RAD51B: variants seen among roughly 807,000 people sequenced by gnomAD.
RAD51B encodes DNA repair protein RAD51 homolog 2.
A neutral mutation model predicts 42.2 loss-of-function variants in RAD51B; 38 were observed. That is an observed-to-expected ratio of 0.90 (90% CI 0.70 to 1.18). RAD51B has a LOEUF of 1.18. Among genes scored for constraint, RAD51B ranks in the 50% most tolerant of loss-of-function variants. The pLI is 0.00. For synonymous variants in RAD51B, 154 were observed against 145.2 expected (o/e 1.06, Z -0.43); for missense variants, 373 against 400.7 (o/e 0.93, Z 0.59).
downstream of RAD51B, among the ~76,000 whole-genome samples, chr14:68,615,499 C>A (rs1005759874): frequency 1.3e-5 from 2 of 152,272 alleles, no homozygotes; most frequent in African/African-American, 4.8e-5. Context: ...GCGTCCACCA[C>A]AACGCCCAGC....
chr14:68,064,948 C>CT (rs1157237893), intron 7 of RAD51B, among the ~76,000 whole-genome samples: 3 of 151,842 alleles, frequency 2.0e-5, no homozygotes, highest in Admixed American at 6.6e-5. Flanking sequence ...CTTTGATTTC[C>CT]TTTTTTGGCA....
chr14:68,661,249 C>T (rs1036741472), intron 11 of RAD51B, among the ~76,000 whole-genome samples: 3 of 152,230 alleles, frequency 2.0e-5, no homozygotes, highest in Non-Finnish European at 4.4e-5. Flanking sequence ...GAGATTCCCA[C>T]ATATTCCACA....
At chr14:68,182,996 A>G (rs546829804) in intron 7 of RAD51B, among the ~76,000 whole-genome samples, 1 of 152,112 alleles carries the variant, frequency 6.6e-6, no homozygotes, top group South Asian at 2.1e-4. Flanking sequence ...TATGATTTTG[A>G]TTTTAGTTTG....
At chr14:68,152,172 A>T (rs531062485) in intron 7 of RAD51B, among the ~76,000 whole-genome samples, 2 of 152,252 alleles carry the variant, frequency 1.3e-5, no homozygotes, top group African/African-American at 4.8e-5. Flanking sequence ...TTCTCGTGTT[A>T]TGTAGCTTTG....
intron 7 of RAD51B, among the ~76,000 whole-genome samples, chr14:68,098,565 A>G (rs2077234752): frequency 6.6e-6 from 1 of 152,172 alleles, no homozygotes; most frequent in African/African-American, 2.4e-5. Context: ...AAGAGGAAAA[A>G]CGAGGATGAT....
chr14:68,436,987 T>C (rs2085162567), intron 9 of RAD51B, among the ~76,000 whole-genome samples: 1 of 152,206 alleles, frequency 6.6e-6, no homozygotes, highest in Non-Finnish European at 1.5e-5. Flanking sequence ...CTTATTGTTT[T>C]CTTACTTGGA....
chr14:68,171,554 G>A (rs1197020850), intron 7 of RAD51B, among the ~76,000 whole-genome samples: 3 of 152,012 alleles, frequency 2.0e-5, no homozygotes, highest in Non-Finnish European at 4.4e-5. Context: ...ACCCACCTCG[G>A]CCTCCCAAAG....
chr14:68,083,450 G>A (rs186521927), intron 7 of RAD51B, among the ~76,000 whole-genome samples: 2 of 152,298 alleles, frequency 1.3e-5, no homozygotes, highest in Non-Finnish European at 1.5e-5. Context: ...GTCACAGCAA[G>A]CAATGGAGGT....
At chr14:68,626,344 C>G (rs1892080339) in intron 10 of RAD51B, among the ~76,000 whole-genome samples, 2 of 152,180 alleles carry the variant, frequency 1.3e-5, no homozygotes, top group African/African-American at 4.8e-5. Context: ...TCTTCCATAC[C>G]CCATCTAGCA....
intron 7 of RAD51B, among the ~76,000 whole-genome samples, chr14:67,902,876 G>A (rs1431942778): frequency 1.3e-5 from 2 of 151,942 alleles, no homozygotes; most frequent in East Asian, 1.9e-4. Flanking sequence ...TGAAGATGGA[G>A]TCTTGCTCTG....
At chr14:68,247,269 T>C (rs576939191) in intron 7 of RAD51B, among the ~76,000 whole-genome samples, 1 of 151,792 alleles carries the variant, frequency 6.6e-6, no homozygotes, top group Admixed American at 6.6e-5. Flanking sequence ...AAAAAAAAAA[T>C]GTATGTAACT....
At chr14:68,566,846 T>G (rs1165250832) in intron 10 of RAD51B, among the ~76,000 whole-genome samples, 1 of 152,170 alleles carries the variant, frequency 6.6e-6, no homozygotes. Flanking sequence ...CCAACTTGCC[T>G]ATCAAACCTT....
At chr14:67,930,093 A>G (rs1370437185) in intron 7 of RAD51B, among the ~76,000 whole-genome samples, 1 of 152,154 alleles carries the variant, frequency 6.6e-6, no homozygotes, top group African/African-American at 2.4e-5. Flanking sequence ...CTTCACAGGT[A>G]AAGTGCACTG....
chr14:68,081,439 A>G (rs1006788594), intron 7 of RAD51B, among the ~76,000 whole-genome samples: 2 of 152,194 alleles, frequency 1.3e-5, no homozygotes, highest in African/African-American at 4.8e-5. Flanking sequence ...ATTAAGTAAC[A>G]TAGGTATTAT....
At chr14:68,614,010 C>T (rs1451462749), downstream of RAD51B, among the ~76,000 whole-genome samples, 2 of 152,144 alleles carry the variant, frequency 1.3e-5, no homozygotes, top group Non-Finnish European at 2.9e-5. Context: ...TGTAAAGTGC[C>T]TCACTGTGAT....
intron 7 of RAD51B, among the ~76,000 whole-genome samples, chr14:68,169,429 C>T (rs1328629807): frequency 6.6e-6 from 1 of 152,122 alleles, no homozygotes; most frequent in Non-Finnish European, 1.5e-5. Context: ...TTATTGGTCA[C>T]TAATTTTGCA....
intron 7 of RAD51B, among the ~76,000 whole-genome samples, chr14:68,191,631 T>G (rs573749698): frequency 3.9e-5 from 6 of 152,174 alleles, no homozygotes; most frequent in Non-Finnish European, 7.4e-5. Context: ...TGGTCTCTCT[T>G]GGGAGCCCAG....
chr14:68,271,167 C>G (rs1002851453), intron 7 of RAD51B, among the ~76,000 whole-genome samples: 1 of 152,176 alleles, frequency 6.6e-6, no homozygotes, highest in Non-Finnish European at 1.5e-5. Context: ...TCATTTATTA[C>G]GTTTATTGTC....
At chr14:68,463,730 A>G (rs926686454) in intron 9 of RAD51B, among the ~76,000 whole-genome samples, 1 of 152,176 alleles carries the variant, frequency 6.6e-6, no homozygotes, top group Non-Finnish European at 1.5e-5. Context: ...CAGTCCTCTT[A>G]CCATGATGTT....
Sources: allele counts gnomAD v4.1 joint callset (sites outside exome capture counted in the v4.1 genomes callset), GRCh38; gene constraint gnomAD v4.1.1; transcripts MANE v1.5; gene names NCBI Gene and HGNC (gene_info 2026-07-23, HGNC 2026-07-21).